Variants in MAST1 observed in about 807,000 individuals in gnomAD.
MAST1 encodes microtubule associated serine/threonine kinase 1.
MAST1 carries 40 observed loss-of-function variants against 124.6 expected under a neutral mutation model. That is an observed-to-expected ratio of 0.32 (90% confidence interval 0.25 to 0.42). The LOEUF (loss-of-function observed/expected upper bound fraction) is 0.42. MAST1 is among the 10% of genes least tolerant of loss of function. The pLI is 1.00. For missense variants in MAST1, 1,558 were observed against 2,181.9 expected, an observed-to-expected ratio of 0.71 and a Z score of 5.70; for synonymous variants, 938 against 939.4, an observed-to-expected ratio of 1.00 and a Z score of 0.03.
rs376850771 is a variant in MAST1, at chr19:12,873,319, C to G, written c.3264-5C>G. 2.9e-5 allele frequency: 47 copies of G among 1,611,224 alleles called. No homozygotes were observed. In the Middle Eastern group the frequency reaches 4.9e-4, roughly 17 times the overall value. On this transcript the variant is annotated splice_polypyrimidine_tract_variant and splice_region_variant and intron_variant, in intron 24 of 25. Transcript: ENST00000251472. ...AGGACGCTTGGCCCCCTCCCTGTCCCGCAGCAAGAAGCGCAGCTCCCTCTT... is the reference window on the plus strand; with the variant it reads ...AGGACGCTTGGCCCCCTCCCTGTCCGGCAGCAAGAAGCGCAGCTCCCTCTT...
chr19:12,855,521 G>A (rs1970007769), intron 10 of MAST1, among the ~76,000 whole-genome samples: 1 of 152,274 alleles, frequency 6.6e-6, no homozygotes, highest in South Asian at 2.1e-4. Context: ...CTGAGTGGGG[G>A]TGGTCCTGTG....
Position 12,858,629 on chromosome 19 carries a change from C to A in MAST1, c.1256C>A (p.Ala419Asp). Residue 419 changes from alanine (A) to aspartate (D), a missense_variant, in exon 12 of 26, where the codon GCC becomes GAC. Transcript: ENST00000251472. The part of the protein sequence containing the change: ...NLILRNQIQQ[A>D]FVERDILTFA... ...ATCCTCCGCAACCAGATCCAGCAGG[C>A]CTTTGTGGAGCGCGATATCCTCACC... The A allele has an allele frequency of 6.2e-7, 1 of 1,614,244 alleles. No homozygotes were observed.
At position 12,873,852 on chromosome 19, in the gene MAST1, C is replaced by A. The variant is rs778787882; in HGVS notation, c.3695C>A (p.Thr1232Asn). 1 of 1,586,676 alleles carries A rather than the reference C, an allele frequency of 6.3e-7. No individual in the cohort carries two copies. The highest frequency in any genetic ancestry group is 2.3e-5 in the East Asian group (1 of 44,280). ...PGHTVGSSHT[T>N]QSFPAKLHSS... is the part of the protein sequence containing the mutation. ...CACACGGTGGGCAGCTCGCACACTA[C>A]TCAGAGCTTCCCGGCCAAACTGCAC... The change falls in exon 26 of 26, where the codon ACT becomes AAT. Residue 1232 changes from threonine (T) to asparagine (N), a missense_variant. This residue lies in a region of MAST1 where 291 missense variants were observed against 475.8 expected (regional missense o/e 0.61). Coordinates refer to ENST00000251472, the MANE Select transcript of MAST1 (RefSeq NM_014975.3).
chr19:12,874,816 C>A lies in MAST1; in HGVS notation c.4659C>A (p.Pro1553=), dbSNP rs1477156347. ...CCCGGTGCCCTGCTGAAGCTGTGCC[C>A]CCAGCAGGCCTGACCAAAAAAGGAG... ...LTSRCPAEAV[P]PAGLTKKGVS... The change falls in exon 26 of 26, where the codon CCC becomes CCA. Residue 1553 remains proline (P), a synonymous_variant. Coordinates refer to ENST00000251472, the MANE Select transcript of MAST1 (RefSeq NM_014975.3). This position sits in a 1 kb window ranked among gnomAD's most constrained non-coding sequence, Gnocchi z 6.6. The A allele has an allele frequency of 6.3e-7, 1 of 1,597,468 alleles. No individual in the cohort carries two copies. The highest frequency in any genetic ancestry group is 1.1e-5 in the South Asian group (1 of 89,882).
Position 12,873,658 on chromosome 19 carries a change from T to A in MAST1, c.3501T>A (p.Pro1167=), listed in dbSNP as rs1970270700. 6.3e-7 allele frequency: 1 copy of A among 1,597,142 alleles called. No individual in the cohort carries two copies. The highest frequency in any genetic ancestry group is 8.5e-7 in the Non-Finnish European group (1 of 1,175,706). Residue 1167 remains proline, a synonymous_variant, in exon 26 of 26, where the codon CCT becomes CCA. Coordinates refer to ENST00000251472, the MANE Select transcript of MAST1 (RefSeq NM_014975.3). The part of the protein sequence containing the change: ...SSPASSTPNS[P]ASSASHHIRP... ...CAGCCTCGAGCACGCCCAACTCGCC[T>A]GCGTCGTCGGCGTCGCACCACATTC...
Position 12,858,703 on chromosome 19 carries a change from C to T in MAST1, c.1330C>T (p.Arg444Trp). 6.2e-7 allele frequency: 1 copy of T among 1,614,170 alleles called. No homozygotes were observed. The highest frequency in any genetic ancestry group is 8.5e-7 in the Non-Finnish European group (1 of 1,180,026). Residue 444 changes from arginine to tryptophan, a missense_variant, in exon 12 of 26, where the codon CGG becomes TGG. Physicochemically the swap from Arg to Trp is moderately radical, Grantham distance 101. Around this residue, in one of 10 missense-constraint regions of MAST1, gnomAD observed 145 missense variants for 350.0 expected, o/e 0.41. Transcript: ENST00000251472. ...CGGCATGTTCTGCTCCTTTGAGACT[C>T]GGCGCCACCTCTGCATGGTCATGGA... Reference protein sequence around the residue: ...VVGMFCSFETRRHLCMVMEYV... With the variant: ...VVGMFCSFETWRHLCMVMEYV...
chr19:12,839,699 C>G (rs1969802987), intron 1 of MAST1, among the ~76,000 whole-genome samples: 1 of 152,156 alleles, frequency 6.6e-6, no homozygotes, highest in African/African-American at 2.4e-5. Context: ...AGGACAGTAT[C>G]GGACACAGAC....
rs2145916933 is a variant in MAST1 at position 12,874,119 on chromosome 19, G to C, written c.3962G>C (p.Gly1321Ala). Residue 1321 changes from glycine (G) to alanine (A), a missense_variant, in exon 26 of 26, where the codon GGC (glycine) becomes GCC (alanine). Around this residue, in one of 10 missense-constraint regions of MAST1, gnomAD observed 263 missense variants for 310.9 expected, o/e 0.85. Coordinates refer to ENST00000251472, the MANE Select transcript of MAST1 (RefSeq NM_014975.3). This position sits in a 1 kb window ranked among gnomAD's most constrained non-coding sequence, Gnocchi z 6.6. Reference sequence around the variant, plus strand: ...GAGACGCCCCCAGTCGAGGGCCTTGGCGCGCCCCGGCAGGTCGCCGTCCGC... The same window carrying C: ...GAGACGCCCCCAGTCGAGGGCCTTGCCGCGCCCCGGCAGGTCGCCGTCCGC... ...DGETPPVEGL[G>A]APRQVAVRRL... The C allele has an allele frequency of 6.5e-7, 1 of 1,545,768 alleles. No homozygotes were observed. The highest frequency in any genetic ancestry group is 2.4e-5 in the East Asian group (1 of 41,498).
Position 12,843,712 on chromosome 19 carries a change from AG to A in MAST1, c.327+106del. On this transcript the variant is annotated intron_variant, in intron 4 of 25. Transcript: ENST00000251472. This position sits in a 1 kb window ranked among gnomAD's most constrained non-coding sequence, Gnocchi z 4.9. The stretch of plus-strand genomic sequence containing the variant: ...AGCAGTCCAGGCTGGGCTTGATGAC[AG>A]TTTAGGGCCAGGCTCAGTGACTCAA... 1 of 943,540 alleles carries A rather than the reference AG, an allele frequency of 1.1e-6. No homozygotes were observed. The highest frequency in any genetic ancestry group is 1.6e-6 in the Non-Finnish European group (1 of 620,898). The allele number at this position is 943,540 out of a possible 1,614,324, so 58.4% of individuals were successfully genotyped here.
At chr19:12,859,465 C>A (rs1970054035) in intron 12 of MAST1, among the ~76,000 whole-genome samples, 1 of 152,118 alleles carries the variant, frequency 6.6e-6, no homozygotes, top group Admixed American at 6.6e-5. Flanking sequence ...CAGCTCACTG[C>A]AGCCTCAAAT....
In MAST1 at chr19:12,866,483, G is replaced by A. The variant is rs182204474; in HGVS notation, c.2030-170G>A. On this transcript the variant is annotated intron_variant, in intron 17 of 25. Coordinates refer to ENST00000251472, the MANE Select transcript of MAST1 (RefSeq NM_014975.3). The surrounding 1 kb of genome is among the most constrained non-coding windows in gnomAD (Gnocchi z 5.2). ...GCTAGACGGTGCCACTGAGAATGGG[G>A]CAAGGACCTTGCCTGGGAGCGGAGC... Among the ~76,000 whole-genome samples the A allele has an allele frequency of 6.6e-6, 1 of 152,268 alleles. No individual in the cohort carries two copies. Among genetic ancestry groups the A allele is most frequent in the African/African-American group, 2.4e-5 (1 of 41,548 alleles).
intron 24 of MAST1, among the ~76,000 whole-genome samples, chr19:12,872,006 A>AT (rs1425390172): frequency 6.6e-6 from 1 of 151,778 alleles, no homozygotes; most frequent in Non-Finnish European, 1.5e-5. Flanking sequence ...AGAGAAAAGC[A>AT]TTGTAGGAGG....
chr19:12,867,384 G>C, intron 18 of MAST1, 90 bp from the exon 19 acceptor site: 1 of 1,488,488 alleles, frequency 6.7e-7, no homozygotes, highest in Non-Finnish European at 9.3e-7. Flanking sequence ...GGTGGAGTGC[G>C]TTTTGCGGGG....
In MAST1 at chr19:12,868,625, A is replaced by T. The variant is rs1970192984; in HGVS notation, c.2567-18A>T. The T allele has an allele frequency of 1.3e-6, 2 of 1,561,392 alleles. No individual in the cohort carries two copies. Among genetic ancestry groups the T allele is most frequent in the Admixed American group, 3.8e-5 (2 of 52,830 alleles). On this transcript the variant is annotated intron_variant, in intron 20 of 25. Transcript: ENST00000251472. ...CTGGCCTTGGACTAATTCCTAACAC[A>T]CTTGCTTTCTGTTGCAGCTGACCGT... is the stretch of plus-strand genomic sequence containing the variant.
At position 12,874,070 on chromosome 19, in the gene MAST1, CA is replaced by C; in HGVS notation, c.3914del (p.His1305LeufsTer34). On this transcript the variant is annotated frameshift_variant, in exon 26 of 26. Transcript: ENST00000251472. LOFTEE classifies it low-confidence loss of function (END_TRUNC). This position sits in a 1 kb window ranked among gnomAD's most constrained non-coding sequence, Gnocchi z 6.6. ...RKDFHGELAL[H>X]SLAESDGETP... is the part of the protein sequence containing the mutation. ...GGACTTCCATGGCGAGCTGGCGCTG[CA>C]TAGCCTTGCCGAGTCCGACGGTGAG... 6.3e-7 allele frequency: 1 copy of C among 1,590,038 alleles called. No homozygotes were observed. Among genetic ancestry groups the C allele is most frequent in the East Asian group, 2.3e-5 (1 of 44,116 alleles).
Position 12,858,362 on chromosome 19 carries a change from G to C in MAST1, c.1078G>C (p.Gly360Arg), listed in dbSNP as rs777111804. The change falls in exon 11 of 26, where the codon GGC becomes CGC. Residue 360 changes from glycine to arginine, a missense_variant and splice_region_variant. This residue lies in a region of MAST1 where 136 missense variants were observed against 160.9 expected (regional missense o/e 0.85). Coordinates refer to ENST00000251472, the MANE Select transcript of MAST1 (RefSeq NM_014975.3). Reference protein sequence around the residue: ...NTPEQDDLSEGRSSKAKKPPG... With the variant: ...NTPEQDDLSERRSSKAKKPPG... ...TGTGGTCTCCATCTTTTTCCTGAAG[G>C]GCCGCAGCAGCAAGGCCAAGAAACC... The C allele has an allele frequency of 3.7e-6, 6 of 1,613,208 alleles. No individual in the cohort carries two copies. In the Admixed American group the frequency reaches 5.0e-5, roughly 13 times the overall value.
At position 12,852,126 on chromosome 19, in the gene MAST1, C is replaced by G; in HGVS notation, c.888C>G (p.Pro296=). Residue 296 remains proline, a synonymous_variant, in exon 9 of 26, where the codon CCC becomes CCG. Coordinates refer to ENST00000251472, the MANE Select transcript of MAST1 (RefSeq NM_014975.3). The part of the protein sequence containing the change: ...ARLLECLEFN[P]EEFYHLLEAA... ...CTGCCCTGCCTCAGGAATTCAACCC[C>G]GAGGAGTTCTACCACCTGCTGGAGG... 1.2e-6 allele frequency: 2 copies of G among 1,613,830 alleles called. No individual in the cohort carries two copies. Among genetic ancestry groups the G allele is most frequent in the Non-Finnish European group, 1.7e-6 (2 of 1,179,900 alleles).
At chr19:12,848,320 A>C in intron 7 of MAST1, 1 of 452,040 alleles carries the variant, frequency 2.2e-6, no homozygotes, top group Non-Finnish European at 4.0e-6. Flanking sequence ...GTCCCCAGTC[A>C]TTTAAAATAT....
intron 21 of MAST1, 82 bp from the exon 22 acceptor site, chr19:12,868,984 G>C (rs912051769): frequency 2.6e-6 from 4 of 1,545,382 alleles, no homozygotes; most frequent in Non-Finnish European, 3.6e-6. Context: ...CTCTGCCACT[G>C]CCTTGGGAGG....
Sources: gnomAD v4.1 joint callset for allele counts (sites outside exome capture counted in the v4.1 genomes callset) on GRCh38, gnomAD v4.1.1 for gene constraint, gnomAD v4.1.1 regional missense constraint, Gnocchi (gnomAD v3.1) non-coding constraint, MANE v1.5 for transcripts, NCBI Gene and HGNC (gene_info 2026-07-23, HGNC 2026-07-21) for gene names.